Variants in DGKB observed in about 807,000 individuals in gnomAD.
The protein encoded by DGKB is diacylglycerol kinase beta.
Under a neutral mutation model 114.3 loss-of-function variants are expected in DGKB, and 67 were observed. The ratio of observed to expected loss-of-function variants is 0.59; its 90% CI spans 0.48 to 0.72. The LOEUF (loss-of-function observed/expected upper bound fraction) is 0.72. Among genes scored for constraint, DGKB ranks in the 30% least tolerant of loss-of-function variants. The pLI is 0.00. For missense variants in DGKB, 907 were observed against 975.2 expected (o/e 0.93, Z 0.93); for synonymous variants, 398 against 323.1 (o/e 1.23, Z -2.49).
At chr7:14,952,221 C>G (rs899211529) in intron 1 of DGKB, among the ~76,000 whole-genome samples, 3 of 152,004 alleles carry the variant, frequency 2.0e-5, no homozygotes, top group Non-Finnish European at 2.9e-5. Context: ...TCCTCAGCAC[C>G]TTCAGAGGAG....
intron 25 of DGKB, among the ~76,000 whole-genome samples, chr7:14,170,151 AAGAAAGAAAG>A (rs1484534859): frequency 1.0e-4 from 7 of 68,426 alleles, no homozygotes; most frequent in African/African-American, 3.3e-4. Context: ...AAAAAAAAGA[AAGAAAGAAAG>A]AAAGAAAGAA....
intron 23 of DGKB, among the ~76,000 whole-genome samples, chr7:14,183,144 A>G (rs1172480219): frequency 1.3e-5 from 2 of 152,222 alleles, no homozygotes; most frequent in Non-Finnish European, 2.9e-5. Context: ...TATGCCTTCC[A>G]GTGATGTTTC....
At chr7:14,870,747 A>G (rs1852335923) in intron 1 of DGKB, among the ~76,000 whole-genome samples, 1 of 152,162 alleles carries the variant, frequency 6.6e-6, no homozygotes, top group South Asian at 2.1e-4. Flanking sequence ...GTGAGCCGAG[A>G]TAGTACCACT....
At chr7:14,587,323 G>A (rs1441730012) in intron 17 of DGKB, among the ~76,000 whole-genome samples, 3 of 152,074 alleles carry the variant, frequency 2.0e-5, no homozygotes, top group Non-Finnish European at 4.4e-5. Flanking sequence ...TGACTGAATT[G>A]CCGCAATCTC....
At chr7:14,597,171 G>T (rs959903291) in intron 17 of DGKB, among the ~76,000 whole-genome samples, 1 of 152,104 alleles carries the variant, frequency 6.6e-6, no homozygotes, top group African/African-American at 2.4e-5. Flanking sequence ...TCCTGCCACT[G>T]CATTCCAGCC....
intron 21 of DGKB, among the ~76,000 whole-genome samples, chr7:14,350,357 C>G (rs1562989043): frequency 6.6e-6 from 1 of 151,950 alleles, no homozygotes. Context: ...TTTATTTTGG[C>G]TTTCATCGGC....
chr7:14,295,128 T>TCTGGCAC (rs1257172871), intron 23 of DGKB, among the ~76,000 whole-genome samples: 2 of 152,182 alleles, frequency 1.3e-5, no homozygotes, highest in Admixed American at 6.6e-5. Flanking sequence ...TAGACTGGTT[T>TCTGGCAC]CTGGCACATA....
chr7:14,461,140 A>T (rs868285325), intron 21 of DGKB, among the ~76,000 whole-genome samples: 2 of 152,196 alleles, frequency 1.3e-5, no homozygotes, highest in Non-Finnish European at 2.9e-5. Flanking sequence ...TGCCCACAGG[A>T]AAGAGCAGGA....
chr7:14,545,370 T>A (rs891354339), intron 20 of DGKB, among the ~76,000 whole-genome samples: 4 of 152,152 alleles, frequency 2.6e-5, no homozygotes, highest in Non-Finnish European at 5.9e-5. Flanking sequence ...AAGAATCCAA[T>A]GAAGTTTGTG....
chr7:14,570,141 A>T (rs942788954), intron 20 of DGKB, among the ~76,000 whole-genome samples: 48 of 151,066 alleles, frequency 3.2e-4, no homozygotes, highest in African/African-American at 1.1e-3. Flanking sequence ...ACTTTTTTAA[A>T]TTTTTTGTTT....
intron 1 of DGKB, among the ~76,000 whole-genome samples, chr7:14,876,389 A>C (rs73287412): frequency 6.6e-6 from 1 of 152,172 alleles, no homozygotes; most frequent in Non-Finnish European, 1.5e-5. Context: ...CAAGGCCACA[A>C]ACATAACACT....
chr7:14,384,468 C>G (rs1820001522), intron 21 of DGKB, among the ~76,000 whole-genome samples: 1 of 152,156 alleles, frequency 6.6e-6, no homozygotes, highest in Middle Eastern at 3.4e-3. Context: ...ACCACTAAAC[C>G]CAATGTGTTT....
chr7:14,885,004 GA>G (rs1344340165), intron 1 of DGKB, among the ~76,000 whole-genome samples: 2 of 151,926 alleles, frequency 1.3e-5, no homozygotes, highest in African/African-American at 4.8e-5. Flanking sequence ...ATCACTGACA[GA>G]AGGGCTTAGT....
chr7:14,216,206 T>C (rs1236002467), intron 23 of DGKB, among the ~76,000 whole-genome samples: 2 of 152,206 alleles, frequency 1.3e-5, no homozygotes, highest in Non-Finnish European at 2.9e-5. Flanking sequence ...AAATTTTTTC[T>C]ACTTTAACTT....
At chr7:14,640,313 G>T (rs1811519012) in intron 13 of DGKB, among the ~76,000 whole-genome samples, 4 of 152,144 alleles carry the variant, frequency 2.6e-5, no homozygotes, top group Admixed American at 2.0e-4. Context: ...TAGAATGAAA[G>T]AAATCTGAAA....
At chr7:14,500,794 C>T (rs1417305090) in intron 20 of DGKB, among the ~76,000 whole-genome samples, 4 of 151,602 alleles carry the variant, frequency 2.6e-5, no homozygotes, top group Admixed American at 2.6e-4. Context: ...AAAGTGTTAT[C>T]GAGGGCTAGA....
At chr7:14,400,831 G>A (rs1357075440) in intron 21 of DGKB, among the ~76,000 whole-genome samples, 1 of 151,732 alleles carries the variant, frequency 6.6e-6, no homozygotes, top group African/African-American at 2.4e-5. Context: ...AAACAGAAAT[G>A]CCAAGAGGGA....
intron 5 of DGKB, among the ~76,000 whole-genome samples, chr7:14,727,148 A>G (rs1308880253): frequency 2.6e-5 from 4 of 152,210 alleles, no homozygotes; most frequent in Non-Finnish European, 4.4e-5. Flanking sequence ...GCAACCATTA[A>G]GATGAAAATG....
At chr7:14,875,825 T>C (rs1365868965) in intron 1 of DGKB, among the ~76,000 whole-genome samples, 3 of 152,064 alleles carry the variant, frequency 2.0e-5, no homozygotes, top group Non-Finnish European at 4.4e-5. Flanking sequence ...TTTTTTGTGA[T>C]TTTTGTGTCG....
Sources: gnomAD v4.1 joint callset for allele counts (sites outside exome capture counted in the v4.1 genomes callset) on GRCh38, gnomAD v4.1.1 for gene constraint, MANE v1.5 for transcripts, NCBI Gene and HGNC (gene_info 2026-07-23, HGNC 2026-07-21) for gene names.